Variants in HIKESHI observed in about 807,000 individuals in gnomAD.
HIKESHI encodes the protein protein Hikeshi.
A neutral mutation model predicts 25.7 loss-of-function variants in HIKESHI; 13 were observed. That is an observed-to-expected ratio of 0.51 (90% CI 0.33 to 0.80). The LOEUF is 0.80. HIKESHI is among the 30% of genes least tolerant of loss of function. The pLI is 0.02. For missense variants in HIKESHI, 174 were observed against 229.5 expected (o/e 0.76, Z 1.56); for synonymous variants, 76 against 78.7 (o/e 0.97, Z 0.18).
chr11:86,345,552 G>A, intron 4 of HIKESHI, 32 bp from the exon 5 acceptor site: 1 of 1,295,450 alleles, frequency 7.7e-7, no homozygotes, highest in Non-Finnish European at 1.1e-6. Flanking sequence ...TAATTTTCTT[G>A]TGAATGTAAA....
chr11:86,338,093 C>T (rs1039277077), intron 3 of HIKESHI, among the ~76,000 whole-genome samples: 1 of 152,152 alleles, frequency 6.6e-6, no homozygotes, highest in African/African-American at 2.4e-5. Context: ...ACTGTATTCT[C>T]CATGCTGTAC....
chr11:86,345,371 T>C (rs1378689831), intron 4 of HIKESHI: 1 of 422,156 alleles, frequency 2.4e-6, no homozygotes, highest in Non-Finnish European at 4.1e-6. Flanking sequence ...TTGTGCTCTC[T>C]GATAAAAGCT....
intron 2 of HIKESHI, among the ~76,000 whole-genome samples, chr11:86,315,421 A>G (rs1455699074): frequency 6.6e-6 from 1 of 152,160 alleles, no homozygotes. Flanking sequence ...CCTGGGTTCA[A>G]GCAGTGCTCC....
At chr11:86,325,892 T>C (rs914692073) in intron 2 of HIKESHI, among the ~76,000 whole-genome samples, 2 of 147,620 alleles carry the variant, frequency 1.4e-5, no homozygotes, top group Non-Finnish European at 3.0e-5. Context: ...AAAAGGCACA[T>C]GCTTAGTAGA....
intron 2 of HIKESHI, among the ~76,000 whole-genome samples, chr11:86,322,926 C>T (rs1414944836): frequency 6.6e-6 from 1 of 152,112 alleles, no homozygotes; most frequent in Non-Finnish European, 1.5e-5. Flanking sequence ...CTCTCAACTG[C>T]TTATTTTAAA....
chr11:86,335,913 TA>T (rs1371957606), intron 2 of HIKESHI, among the ~76,000 whole-genome samples: 4 of 152,174 alleles, frequency 2.6e-5, no homozygotes, highest in Admixed American at 6.6e-5. Flanking sequence ...GTAAGGCTCT[TA>T]TACAGAGGAA....
At chr11:86,324,725 T>C (rs1304362684) in intron 2 of HIKESHI, among the ~76,000 whole-genome samples, 1 of 152,162 alleles carries the variant, frequency 6.6e-6, no homozygotes, top group Non-Finnish European at 1.5e-5. Flanking sequence ...TTTGATTATA[T>C]TGGGAAAACC....
chr11:86,317,464 A>G (rs1264459207), intron 2 of HIKESHI, among the ~76,000 whole-genome samples: 1 of 152,244 alleles, frequency 6.6e-6, no homozygotes, highest in African/African-American at 2.4e-5. Context: ...CAATGAAACC[A>G]AAATCTGGTT....
intron 2 of HIKESHI, among the ~76,000 whole-genome samples, chr11:86,335,053 A>G (rs959037263): frequency 6.6e-6 from 1 of 152,200 alleles, no homozygotes; most frequent in Admixed American, 6.5e-5. Flanking sequence ...GCTTTGTGGC[A>G]TTTGGCTACC....
At chr11:86,310,148 A>G (rs549201027) in intron 2 of HIKESHI, among the ~76,000 whole-genome samples, 1 of 147,494 alleles carries the variant, frequency 6.8e-6, no homozygotes, top group African/African-American at 2.5e-5. Context: ...TCTATAAATT[A>G]CCTTGGGCAG....
At chr11:86,340,200 G>A (rs1947688388) in intron 3 of HIKESHI, among the ~76,000 whole-genome samples, 1 of 152,122 alleles carries the variant, frequency 6.6e-6, no homozygotes, top group Admixed American at 6.6e-5. Flanking sequence ...GAATAGTGCC[G>A]CAGTAAACAT....
intron 2 of HIKESHI, among the ~76,000 whole-genome samples, chr11:86,335,058 G>A (rs543118948): frequency 2.6e-5 from 4 of 152,266 alleles, no homozygotes; most frequent in Admixed American, 1.3e-4. Context: ...GTGGCATTTG[G>A]CTACCCTTGT....
At chr11:86,342,478 CGT>C (rs34980731) in intron 3 of HIKESHI, among the ~76,000 whole-genome samples, 6,028 of 147,206 alleles carry the variant, frequency 0.041, 144 homozygotes, top group Non-Finnish European at 0.047. Context: ...TAAAGATGTT[CGT>C]GTGTGTGTGT....
At chr11:86,341,136 A>G (rs1369939809) in intron 3 of HIKESHI, among the ~76,000 whole-genome samples, 2 of 152,084 alleles carry the variant, frequency 1.3e-5, no homozygotes, top group African/African-American at 4.8e-5. Flanking sequence ...GATGTTTTCT[A>G]TTTATTTGCT....
chr11:86,306,298 T>A lies in HIKESHI; in HGVS notation c.84T>A (p.Pro28=). 6.2e-7 allele frequency: 1 copy of A among 1,614,126 alleles called. No individual in the cohort carries two copies. Among genetic ancestry groups the A allele is most frequent in the Non-Finnish European group, 8.5e-7 (1 of 1,179,968 alleles). ...AGGATAAATTTGTTTTTGACTTACCTGATTATGAAAGTATCAACCATGTTG... is the reference window on the plus strand; with the variant it reads ...AGGATAAATTTGTTTTTGACTTACCAGATTATGAAAGTATCAACCATGTTG... ...VAEDKFVFDL[P]DYESINHVVV... is the part of the protein sequence containing the mutation. Residue 28 remains proline, a synonymous_variant, in exon 2 of 5, where the codon CCT becomes CCA. Transcript: ENST00000278483.
chr11:86,322,034 C>T (rs1947162357), intron 2 of HIKESHI, among the ~76,000 whole-genome samples: 1 of 152,162 alleles, frequency 6.6e-6, no homozygotes, highest in Non-Finnish European at 1.5e-5. Flanking sequence ...GTCACCCAGG[C>T]TGGAGTGCAG....
At chr11:86,315,005 C>CTATGTA (rs1946936592) in intron 2 of HIKESHI, among the ~76,000 whole-genome samples, 1 of 152,140 alleles carries the variant, frequency 6.6e-6, no homozygotes. Flanking sequence ...GGTACACATA[C>CTATGTA]CCTTTATACA....
chr11:86,314,026 A>G (rs1367020700), intron 2 of HIKESHI, among the ~76,000 whole-genome samples: 1 of 152,224 alleles, frequency 6.6e-6, no homozygotes, highest in Non-Finnish European at 1.5e-5. Flanking sequence ...GGAATGTAAT[A>G]GGTCAGCAGT....
At chr11:86,326,491 T>G (rs1442748758) in intron 2 of HIKESHI, 1 of 455,926 alleles carries the variant, frequency 2.2e-6, no homozygotes, top group Non-Finnish European at 4.4e-6. Context: ...AGTGAAGACT[T>G]TGTTGTGTTC....
Sources: gnomAD v4.1 joint callset for allele counts (sites outside exome capture counted in the v4.1 genomes callset) on GRCh38, gnomAD v4.1.1 for gene constraint, MANE v1.5 for transcripts, NCBI Gene and HGNC (gene_info 2026-07-23, HGNC 2026-07-21) for gene names.